The following XIST variants were observed in gnomAD, a reference collection of about 807,000 sequenced individuals.
XIST encodes X inactive specific transcript (non-protein coding).
At chrX:73,851,865 C>T (rs1447375767) in exon 1 of XIST, 1 of 558,991 alleles carries the variant, frequency 1.8e-6, no homozygotes, top group Non-Finnish European at 3.2e-6. Context: ...CTTAGCTTAA[C>T]TGCAGAGTCA....
At chrX:73,823,989 C>G (rs1398241583) in exon 6 of XIST, 2 of 552,720 alleles carry the variant, frequency 3.6e-6, no homozygotes, top group African/African-American at 4.5e-5. Context: ...CTTTGTAAAT[C>G]TACACATAGA....
intron 2 of XIST, among the ~76,000 whole-genome samples, chrX:73,837,219 T>C (rs1380091837): frequency 9.0e-6 from 1 of 111,377 alleles, no homozygotes; most frequent in East Asian, 2.8e-4. Flanking sequence ...AAGGATAACA[T>C]AAACAGTGAT....
chrX:73,824,831 CT>C (rs912372164), exon 6 of XIST: 1 of 556,672 alleles, frequency 1.8e-6, no homozygotes, highest in African/African-American at 2.2e-5. Context: ...CCAGTAAAGT[CT>C]TGATTGTTTA....
chrX:73,844,972 T>G (rs1239477795), exon 1 of XIST: 2 of 526,193 alleles, frequency 3.8e-6, no homozygotes, highest in African/African-American at 5.6e-5. Context: ...TCTTATACAC[T>G]GGAACCCAGA....
chrX:73,831,310 G>C, intron 3 of XIST: 1 of 490,299 alleles, frequency 2.0e-6, no homozygotes, highest in Non-Finnish European at 3.6e-6. Flanking sequence ...TTGAAATGCA[G>C]TACACTGGGA....
chrX:73,828,985 C>T (rs1922322812), intron 5 of XIST: 2 of 479,274 alleles, frequency 4.2e-6, no homozygotes, highest in Admixed American at 5.4e-5. Flanking sequence ...ACCAACACAC[C>T]CCATCCAACA....
At position 73,825,577 on chromosome X, in the gene XIST, G is replaced by A. The variant is rs770606287; in HGVS notation, n.14324C>T. Reference sequence around the variant, plus strand: ...CAAATAATACATCAGGGGGTGGTAAGCTATGAACAGCAGGCCAAATCCAAT... The same window carrying A: ...CAAATAATACATCAGGGGGTGGTAAACTATGAACAGCAGGCCAAATCCAAT... On this transcript the variant is annotated non_coding_transcript_exon_variant, in exon 6 of 6. Coordinates refer to ENST00000429829, the Ensembl canonical transcript of XIST. The A allele has an allele frequency of 4.3e-5, 22 of 513,459 alleles. No homozygotes were observed. The South Asian group carries it at 5.2e-4, about 12-fold the overall frequency. The allele number at this position is 513,459 out of a possible 1,213,427, so 42.3% of individuals were successfully genotyped here.
At chrX:73,850,692 G>C in exon 1 of XIST, 1 of 282,758 alleles carries the variant, frequency 3.5e-6, no homozygotes, top group Non-Finnish European at 6.3e-6. Context: ...AGGGGGGTAG[G>C]GGGGTAGGGG....
chrX:73,838,740 T>G (rs1205304094), intron 1 of XIST, among the ~76,000 whole-genome samples: 1 of 111,625 alleles, frequency 9.0e-6, no homozygotes, highest in African/African-American at 3.2e-5. Context: ...GAAGTTTAAC[T>G]TGTTAAATTC....
exon 1 of XIST, chrX:73,844,974 G>C: frequency 1.8e-6 from 1 of 553,994 alleles, no homozygotes; most frequent in East Asian, 3.3e-5. Flanking sequence ...TTATACACTG[G>C]AACCCAGACA....
exon 1 of XIST, chrX:73,846,043 T>A (rs760422150): frequency 1.8e-6 from 1 of 556,821 alleles, no homozygotes; most frequent in African/African-American, 2.2e-5. Context: ...TGCACCTTGA[T>A]TGTCCAAACG....
exon 1 of XIST, chrX:73,848,528 A>T: frequency 1.8e-6 from 1 of 558,017 alleles, no homozygotes. Flanking sequence ...AATGCACAAG[A>T]AGAGTCCTTG....
chrX:73,841,710 A>AT lies in XIST; in HGVS notation n.11013dup, dbSNP rs763242787. Reference sequence around the variant, plus strand: ...TATAAAATAGGGAACTCGTCTTATCATTTTTAAGTCCTCACCTCAGTGTGG... The same window carrying AT: ...TATAAAATAGGGAACTCGTCTTATCATTTTTTAAGTCCTCACCTCAGTGTGG... On this transcript the variant is annotated non_coding_transcript_exon_variant, in exon 1 of 6. Coordinates refer to ENST00000429829, the Ensembl canonical transcript of XIST. The AT allele has an allele frequency of 4.9e-5, 25 of 514,776 alleles. No individual in the cohort carries two copies. The Admixed American group carries it at 6.1e-4, about 13-fold the overall frequency. The allele number at this position is 514,776 out of a possible 1,213,427, so 42.4% of individuals were successfully genotyped here. A position where few individuals can be genotyped will look rare whatever the true frequency, so the allele number is the denominator to read the frequency against.
exon 1 of XIST, chrX:73,848,877 A>G (rs772982860): frequency 1.8e-6 from 1 of 557,689 alleles, no homozygotes; most frequent in Non-Finnish European, 3.2e-6. Context: ...TAGGTAGTTC[A>G]CACTATCTAG....
exon 1 of XIST, chrX:73,847,255 G>T (rs761626647): frequency 7.2e-6 from 4 of 557,362 alleles, no homozygotes; most frequent in Non-Finnish European, 1.3e-5. Flanking sequence ...GAGCAAGGAA[G>T]CGGGATTCTA....
chrX:73,851,164 C>G, exon 1 of XIST: 1 of 559,606 alleles, frequency 1.8e-6, no homozygotes, highest in Non-Finnish European at 3.2e-6. Context: ...ACTGTCCATC[C>G]CACCTTTTCT....
exon 1 of XIST, chrX:73,849,531 G>C (rs752168749): frequency 3.6e-6 from 2 of 558,721 alleles, no homozygotes; most frequent in Non-Finnish European, 6.5e-6. Flanking sequence ...AGGGGATCGA[G>C]AAAATGATAA....
chrX:73,843,969 G>T, exon 1 of XIST: 1 of 558,490 alleles, frequency 1.8e-6, no homozygotes, highest in South Asian at 2.2e-5. Flanking sequence ...GCCTTGGAGG[G>T]AAACAGTATA....
exon 6 of XIST, chrX:73,826,762 A>T (rs188556573): frequency 3.4e-5 from 19 of 556,292 alleles, no homozygotes; most frequent in Non-Finnish European, 2.6e-5. Context: ...TCCTCTATCC[A>T]TCTAGGTAGG....
Sources: gnomAD v4.1 joint callset for allele counts (sites outside exome capture counted in the v4.1 genomes callset) on GRCh38, gnomAD v4.1.1 for gene constraint, MANE v1.5 for transcripts, NCBI Gene and HGNC (gene_info 2026-07-23, HGNC 2026-07-21) for gene names.